SLC35F3: variants seen among roughly 807,000 people sequenced by gnomAD.
The protein encoded by SLC35F3 is solute carrier family 35 member F3, also known as putative thiamine transporter SLC35F3.
A neutral mutation model predicts 49.9 loss-of-function variants in SLC35F3; 25 were observed. The ratio of observed to expected loss-of-function variants is 0.50; its 90% CI spans 0.37 to 0.70. The LOEUF is 0.70. Among genes scored for constraint, SLC35F3 ranks in the 30% least tolerant of loss-of-function variants. SLC35F3 has a pLI of 0.00. For synonymous variants in SLC35F3, 275 were observed against 265.4 expected (o/e 1.04, Z -0.35); for missense variants, 525 against 639.8 (o/e 0.82, Z 1.94).
chr1:234,070,784 A>C lies in SLC35F3; in HGVS notation c.284-160633A>C, dbSNP rs186702251. 7.0e-4 allele frequency among the ~76,000 whole-genome samples: 106 copies of C among 152,142 alleles called. 1 individual carries two copies. Among genetic ancestry groups the C allele is most frequent in the African/African-American group, 2.4e-3 (99 of 41,508 alleles). On this transcript the variant is annotated intron_variant, in intron 2 of 7. Transcript: ENST00000366618. ...TTTTTTGTAAGGTTATAATTGACATATTTTTATGCCACCCCATAACATATC... is the reference window on the plus strand; with the variant it reads ...TTTTTTGTAAGGTTATAATTGACATCTTTTTATGCCACCCCATAACATATC...
chr1:234,219,071 A>AAAAT (rs1362096654), intron 2 of SLC35F3, among the ~76,000 whole-genome samples: 6 of 151,058 alleles, frequency 4.0e-5, no homozygotes, highest in African/African-American at 1.5e-4. Context: ...AAAAAAAAAA[A>AAAAT]AAAAAGCTCC....
chr1:234,144,928 G>C (rs1051476593), intron 2 of SLC35F3, among the ~76,000 whole-genome samples: 9 of 152,204 alleles, frequency 5.9e-5, no homozygotes, highest in Non-Finnish European at 8.8e-5. Flanking sequence ...GAGTGTGCCA[G>C]CTGTAGGAAA....
Position 233,905,627 on chromosome 1 carries a change from A to G in SLC35F3, c.152A>G (p.Lys51Arg). The G allele has an allele frequency of 6.2e-7, 1 of 1,614,202 alleles. No individual in the cohort carries two copies. The highest frequency in any genetic ancestry group is 8.5e-7 in the Non-Finnish European group (1 of 1,180,036). ...LKYLVVDEAI[K>R]EDLKWSRSVE... The stretch of plus-strand genomic sequence containing the variant: ...TACTTGGTGGTGGACGAGGCGATTA[A>G]GGAGGATCTGAAATGGTCGCGCTCC... The change falls in exon 2 of 8, where the codon AAG (lysine) becomes AGG (arginine). Residue 51 changes from lysine to arginine, a missense_variant. Coordinates refer to ENST00000366618, the MANE Select transcript of SLC35F3 (RefSeq NM_173508.4).
At chr1:233,976,526 A>C (rs1663082805) in intron 2 of SLC35F3, among the ~76,000 whole-genome samples, 1 of 152,152 alleles carries the variant, frequency 6.6e-6, no homozygotes, top group Non-Finnish European at 1.5e-5. Flanking sequence ...TCCTATTTTG[A>C]GTTTACTTTT....
intron 3 of SLC35F3, among the ~76,000 whole-genome samples, chr1:234,277,448 C>G (rs1572130992): frequency 6.6e-6 from 1 of 152,344 alleles, no homozygotes; most frequent in South Asian, 2.1e-4. Context: ...TCCCTTTACC[C>G]AGACACACTG....
chr1:233,905,592 G>C lies in SLC35F3; in HGVS notation c.117G>C (p.Arg39=), dbSNP rs778307321. The C allele has an allele frequency of 1.4e-5, 23 of 1,614,050 alleles. No homozygotes were observed. The highest frequency in any genetic ancestry group is 1.9e-5 in the Non-Finnish European group (22 of 1,180,046). The change falls in exon 2 of 8, where the codon CGG becomes CGC. Residue 39 remains arginine (R), a synonymous_variant. Coordinates refer to ENST00000366618, the MANE Select transcript of SLC35F3 (RefSeq NM_173508.4). ...RRLSDISPQL[R]QLKYLVVDEA... is the part of the protein sequence containing the mutation. ...TGTCCGACATCAGCCCCCAGCTCCGGCAGCTCAAGTACTTGGTGGTGGACG... is the reference window on the plus strand; with the variant it reads ...TGTCCGACATCAGCCCCCAGCTCCGCCAGCTCAAGTACTTGGTGGTGGACG...
intron 2 of SLC35F3, among the ~76,000 whole-genome samples, chr1:234,116,392 T>A (rs1665486489): frequency 6.6e-6 from 1 of 152,192 alleles, no homozygotes; most frequent in African/African-American, 2.4e-5. Context: ...AAATATTTCT[T>A]ATTAAGTCAC....
At chr1:234,072,436 C>T (rs1393457034) in intron 2 of SLC35F3, among the ~76,000 whole-genome samples, 5 of 152,220 alleles carry the variant, frequency 3.3e-5, no homozygotes, top group East Asian at 1.9e-4. Context: ...CAAAACAAAA[C>T]CCTGGCCCTC....
chr1:234,096,007 CTTCT>C (rs1034935144), intron 2 of SLC35F3, among the ~76,000 whole-genome samples: 1 of 152,152 alleles, frequency 6.6e-6, no homozygotes, highest in Admixed American at 6.6e-5. Flanking sequence ...GCTTCCATTT[CTTCT>C]TTGTTTCATG....
intron 2 of SLC35F3, among the ~76,000 whole-genome samples, chr1:234,142,937 ATATT>A (rs1252319355): frequency 6.6e-6 from 1 of 152,190 alleles, no homozygotes; most frequent in Non-Finnish European, 1.5e-5. Context: ...TTAATTATAT[ATATT>A]TAAGGTGTAC....
chr1:234,053,977 T>A (rs1664418574), intron 2 of SLC35F3, among the ~76,000 whole-genome samples: 1 of 152,222 alleles, frequency 6.6e-6, no homozygotes, highest in South Asian at 2.1e-4. Context: ...GCCCCCACTC[T>A]CTTCTGGCTT....
At chr1:234,284,561 G>A (rs1237312762) in intron 3 of SLC35F3, among the ~76,000 whole-genome samples, 1 of 152,156 alleles carries the variant, frequency 6.6e-6, no homozygotes, top group African/African-American at 2.4e-5. Context: ...GTAGTGGCCT[G>A]GACAATGTTG....
intron 2 of SLC35F3, among the ~76,000 whole-genome samples, chr1:234,185,963 A>G (rs1428329316): frequency 1.3e-5 from 2 of 152,118 alleles, no homozygotes; most frequent in East Asian, 3.9e-4. Flanking sequence ...ACTGTCTGTA[A>G]AAAGATTCCT....
chr1:234,108,561 G>T (rs1665333376), intron 2 of SLC35F3, among the ~76,000 whole-genome samples: 1 of 102,676 alleles, frequency 9.7e-6, no homozygotes, highest in South Asian at 3.4e-4. Context: ...ATATATAAAA[G>T]ATATATATTA....
chr1:234,115,719 G>A (rs530091783), intron 2 of SLC35F3, among the ~76,000 whole-genome samples: 7 of 152,316 alleles, frequency 4.6e-5, no homozygotes, highest in Admixed American at 3.9e-4. Context: ...CAAGCCATGG[G>A]TATAATGCTC....
Position 233,916,010 on chromosome 1 carries a change from T to C in SLC35F3, c.283+10252T>C, listed in dbSNP as rs1297979663. ...GTTTTGTGCAGCATTCTGTTCATGCTGTGCACGTGTGGGAGTTTAATAAAC... is the reference window on the plus strand; with the variant it reads ...GTTTTGTGCAGCATTCTGTTCATGCCGTGCACGTGTGGGAGTTTAATAAAC... On this transcript the variant is annotated intron_variant, in intron 2 of 7. Coordinates refer to ENST00000366618, the MANE Select transcript of SLC35F3 (RefSeq NM_173508.4). Among the ~76,000 whole-genome samples the C allele has an allele frequency of 2.0e-5, 3 of 152,228 alleles. No individual in the cohort carries two copies. The East Asian group carries it at 5.8e-4, about 29-fold the overall frequency.
At chr1:234,103,887 C>T (rs1221204304) in intron 2 of SLC35F3, among the ~76,000 whole-genome samples, 1 of 152,164 alleles carries the variant, frequency 6.6e-6, no homozygotes, top group African/African-American at 2.4e-5. Flanking sequence ...CATTAAAAGC[C>T]TGCAAGTCAT....
chr1:234,108,585 A>G (rs1665334371), intron 2 of SLC35F3, among the ~76,000 whole-genome samples: 1 of 117,920 alleles, frequency 8.5e-6, no homozygotes, highest in Non-Finnish European at 1.6e-5. Flanking sequence ...ATATATATAA[A>G]AGATATACAT....
chr1:234,144,868 A>T (rs1665973975), intron 2 of SLC35F3, among the ~76,000 whole-genome samples: 1 of 152,204 alleles, frequency 6.6e-6, no homozygotes, highest in Admixed American at 6.5e-5. Context: ...CAGAGAACAG[A>T]GATGGTCAGC....
Sources: allele counts gnomAD v4.1 joint callset (sites outside exome capture counted in the v4.1 genomes callset), GRCh38; gene constraint gnomAD v4.1.1; transcripts MANE v1.5; gene names NCBI Gene and HGNC (gene_info 2026-07-23, HGNC 2026-07-21).